Variants in DIAPH2 observed in about 807,000 individuals in gnomAD.
DIAPH2 encodes the protein protein diaphanous homolog 2.
A neutral mutation model predicts 92.7 loss-of-function variants in DIAPH2; 35 were observed. The ratio of observed to expected loss-of-function variants is 0.38; its 90% CI spans 0.29 to 0.50. The LOEUF is 0.50. Ranked by LOEUF, DIAPH2 falls within the 20% of genes least tolerant of loss-of-function variation. The pLI, the probability that DIAPH2 is intolerant of heterozygous loss-of-function variation, is 0.94. For missense variants in DIAPH2, 701 were observed against 819.5 expected, an observed-to-expected ratio of 0.86 and a Z score of 1.77; for synonymous variants, 301 against 280.4, an observed-to-expected ratio of 1.07 and a Z score of -0.73.
intron 26 of DIAPH2, among the ~76,000 whole-genome samples, chrX:97,452,611 T>C (rs1263030511): frequency 8.9e-6 from 1 of 112,142 alleles, no homozygotes; most frequent in African/African-American, 3.2e-5. Context: ...TTGTACCACA[T>C]GAAGAGATAC....
intron 15 of DIAPH2, among the ~76,000 whole-genome samples, chrX:96,952,000 T>C (rs1235061756): frequency 9.0e-6 from 1 of 111,585 alleles, no homozygotes; most frequent in African/African-American, 3.3e-5. Context: ...ACGACACACA[T>C]TTTGCCTTTC....
At chrX:96,789,097 C>T (rs954613694) in intron 4 of DIAPH2, among the ~76,000 whole-genome samples, 2 of 112,062 alleles carry the variant, frequency 1.8e-5, no homozygotes, top group Admixed American at 9.4e-5. Flanking sequence ...ACAGCCAGAT[C>T]ATAGGGGAAA....
intron 23 of DIAPH2, among the ~76,000 whole-genome samples, chrX:97,325,652 A>C (rs893944747): frequency 6.5e-5 from 7 of 108,498 alleles, no homozygotes; most frequent in Admixed American, 9.9e-5. Context: ...ATCTCGGCTC[A>C]CTGCAAGCTC....
At chrX:97,093,476 C>G (rs1341324194) in intron 19 of DIAPH2, among the ~76,000 whole-genome samples, 1 of 111,885 alleles carries the variant, frequency 8.9e-6, no homozygotes, top group Non-Finnish European at 1.9e-5. Flanking sequence ...CCTCCTGTTG[C>G]TATCATTACA....
At chrX:97,039,559 T>G (rs1158564671) in intron 17 of DIAPH2, among the ~76,000 whole-genome samples, 1 of 111,470 alleles carries the variant, frequency 9.0e-6, no homozygotes, top group Admixed American at 9.6e-5. Flanking sequence ...GTGCTATTCA[T>G]TATCATTGGC....
At chrX:97,449,768 T>C in intron 26 of DIAPH2, 2 of 456,472 alleles carry the variant, frequency 4.4e-6, no homozygotes, top group South Asian at 2.3e-4. Flanking sequence ...AGTCCCACCA[T>C]GGTGCCCTTT....
At chrX:97,242,566 A>G (rs915286170) in intron 22 of DIAPH2, among the ~76,000 whole-genome samples, 11 of 108,935 alleles carry the variant, frequency 1.0e-4, no homozygotes, top group Admixed American at 3.0e-4. Flanking sequence ...GGGTTTCACC[A>G]TGTTGGCCAT....
At chrX:97,104,885 C>G (rs923929814) in intron 20 of DIAPH2, among the ~76,000 whole-genome samples, 2 of 111,589 alleles carry the variant, frequency 1.8e-5, no homozygotes, top group Non-Finnish European at 3.8e-5. Context: ...CGTCTGAATC[C>G]CAGCACTTTG....
In DIAPH2 at chrX:96,965,099, C is replaced by T. The variant is rs758656989; in HGVS notation, c.1942C>T (p.Pro648Ser). Residue 648 changes from proline to serine, a missense_variant, in exon 17 of 27, where the codon CCC becomes TCC. Transcript: ENST00000324765. ...TTTGTTATTTTTGTTTCAGATTGAA[C>T]CCACAGAATTATCTGAGAACTGTTT... is the stretch of plus-strand genomic sequence containing the variant. ...MKRINWSKIE[P>S]TELSENCFWL... 7 of 1,190,104 alleles carry T rather than the reference C, an allele frequency of 5.9e-6. No homozygotes were observed. The South Asian group carries it at 1.3e-4, about 22-fold the overall frequency.
intron 23 of DIAPH2, among the ~76,000 whole-genome samples, chrX:97,274,998 C>G (rs147472732): frequency 0.019 from 2,097 of 112,069 alleles, 44 homozygotes; most frequent in African/African-American, 0.065. Context: ...GCAGAAGAAT[C>G]TTTCTTAGTA....
intron 23 of DIAPH2, among the ~76,000 whole-genome samples, chrX:97,345,456 A>C (rs1199070928): frequency 8.9e-6 from 1 of 112,021 alleles, no homozygotes; most frequent in Admixed American, 9.5e-5. Context: ...ATAGAACTAG[A>C]GCTGTGTTCC....
chrX:97,341,413 TAAAC>T (rs1201216721), intron 23 of DIAPH2: 1 of 111,028 alleles, frequency 9.0e-6, no homozygotes, highest in Non-Finnish European at 1.9e-5. Flanking sequence ...ATATAGGAGA[TAAAC>T]AAAATGGCCA....
At chrX:97,013,343 G>A (rs867035813) in intron 17 of DIAPH2, among the ~76,000 whole-genome samples, 1 of 111,851 alleles carries the variant, frequency 8.9e-6, no homozygotes, top group African/African-American at 3.3e-5. Context: ...AAACTGACAA[G>A]CAAGAGCAGA....
chrX:97,263,342 T>C (rs956123558), intron 23 of DIAPH2, among the ~76,000 whole-genome samples: 1 of 111,551 alleles, frequency 9.0e-6, no homozygotes, highest in Non-Finnish European at 1.9e-5. Context: ...ATCTCAATTA[T>C]CTGGAATTCT....
At chrX:97,024,129 C>A (rs1311649425) in intron 17 of DIAPH2, among the ~76,000 whole-genome samples, 1 of 111,907 alleles carries the variant, frequency 8.9e-6, no homozygotes, top group Non-Finnish European at 1.9e-5. Context: ...CAAGAAGATA[C>A]TGATATTGTT....
intron 1 of DIAPH2, among the ~76,000 whole-genome samples, chrX:96,694,422 C>T (rs2063814047): frequency 9.1e-6 from 1 of 110,003 alleles, no homozygotes; most frequent in East Asian, 2.9e-4. Context: ...CTTACTGCAA[C>T]CTCCGCCTCC....
chrX:97,182,702 G>A (rs1434120716), intron 22 of DIAPH2, among the ~76,000 whole-genome samples: 1 of 111,611 alleles, frequency 9.0e-6, no homozygotes, highest in Non-Finnish European at 1.9e-5. Flanking sequence ...TTGCTGAATA[G>A]GGATGCATTT....
chrX:96,962,310 T>TAC (rs1556310044), intron 16 of DIAPH2, among the ~76,000 whole-genome samples: 666 of 37,554 alleles, frequency 0.018, 58 homozygotes, highest in African/African-American at 0.062. Context: ...CATATATATA[T>TAC]ACATATATAT....
At chrX:97,281,849 A>T (rs2068500357) in intron 23 of DIAPH2, among the ~76,000 whole-genome samples, 1 of 111,746 alleles carries the variant, frequency 8.9e-6, no homozygotes, top group East Asian at 2.8e-4. Flanking sequence ...TGTATAATGT[A>T]AAGCTCCTTA....
Sources: allele counts gnomAD v4.1 joint callset (sites outside exome capture counted in the v4.1 genomes callset), GRCh38; gene constraint gnomAD v4.1.1; transcripts MANE v1.5; gene names NCBI Gene and HGNC (gene_info 2026-07-23, HGNC 2026-07-21).